The following CMSS1 variants were observed in gnomAD, a reference collection of about 807,000 sequenced individuals.
The protein encoded by CMSS1 is protein CMSS1.
In CMSS1, 33 loss-of-function variants were observed where a neutral mutation model predicts 43.5. The ratio of observed to expected loss-of-function variants is 0.76; its 90% CI spans 0.57 to 1.01. The LOEUF (loss-of-function observed/expected upper bound fraction) is 1.01. CMSS1 is among the 50% of genes least tolerant of loss of function. The probability of loss-of-function intolerance (pLI) is 0.00; values close to 1 mark genes in which losing one functional copy is unlikely to be tolerated. For missense variants in CMSS1, 313 were observed against 326.4 expected (o/e 0.96, Z 0.32); for synonymous variants, 115 against 117.2 (o/e 0.98, Z 0.12).
At chr3:99,850,737 G>A in intron 1 of CMSS1, 2 of 1,614,176 alleles carry the variant, frequency 1.2e-6, no homozygotes, top group Non-Finnish European at 8.5e-7. Context: ...CCTCATTGGT[G>A]AGCTTCGCCA....
intron 1 of CMSS1, chr3:99,929,966 G>A: frequency 6.2e-7 from 1 of 1,613,984 alleles, no homozygotes; most frequent in African/African-American, 1.3e-5. Flanking sequence ...AACCCATACT[G>A]AGCTTCCAGC....
chr3:100,117,905 C>A (rs2066590000), intron 1 of CMSS1, among the ~76,000 whole-genome samples: 1 of 137,908 alleles, frequency 7.3e-6, no homozygotes, highest in East Asian at 2.1e-4. Flanking sequence ...ATTACTCAGG[C>A]TTAAAGACGA....
At chr3:100,162,453 T>C (rs952411954) in intron 4 of CMSS1, 21 bp downstream of exon 4, 2 of 1,601,742 alleles carry the variant, frequency 1.2e-6, no homozygotes, top group Middle Eastern at 1.7e-4. Context: ...GCTTCAATTT[T>C]CCTAAAGACA....
chr3:99,972,480 C>T (rs767221003), intron 1 of CMSS1, among the ~76,000 whole-genome samples: 1 of 152,194 alleles, frequency 6.6e-6, no homozygotes, highest in Non-Finnish European at 1.5e-5. Context: ...TTATTTCTCT[C>T]CATTAGTTAT....
chr3:99,965,783 G>C (rs1412197288), intron 1 of CMSS1, among the ~76,000 whole-genome samples: 1 of 152,142 alleles, frequency 6.6e-6, no homozygotes, highest in African/African-American at 2.4e-5. Context: ...TTAGGGGGAG[G>C]GTGTTAAATG....
At chr3:99,956,624 G>T (rs948686312) in intron 1 of CMSS1, among the ~76,000 whole-genome samples, 1 of 152,216 alleles carries the variant, frequency 6.6e-6, no homozygotes, top group African/African-American at 2.4e-5. Context: ...TGGGATTAAA[G>T]GCGTGAGCCC....
intron 1 of CMSS1, among the ~76,000 whole-genome samples, chr3:99,847,767 T>C (rs1306036536): frequency 6.6e-6 from 1 of 152,196 alleles, no homozygotes; most frequent in Non-Finnish European, 1.5e-5. Context: ...GAACCACTTT[T>C]CTCTCCTCTA....
intron 1 of CMSS1, among the ~76,000 whole-genome samples, chr3:100,060,919 A>G (rs931567619): frequency 6.6e-6 from 1 of 152,182 alleles, no homozygotes; most frequent in African/African-American, 2.4e-5. Flanking sequence ...AGATCTATCA[A>G]TGGCCTGCAT....
chr3:100,165,933 A>G lies in CMSS1; in HGVS notation c.356-402A>G, dbSNP rs186612599. Among the ~76,000 whole-genome samples, 3 of 152,336 alleles carry G rather than the reference A, an allele frequency of 2.0e-5. No homozygotes were observed. In the East Asian group the frequency reaches 5.8e-4, roughly 29 times the overall value. On this transcript the variant is annotated intron_variant, in intron 4 of 9. Transcript: ENST00000421999. ...ACATATTGCTAATAGTTGCCATTCT[A>G]ATGAGTGTGTAAAGTATGCTCATTA...
At chr3:99,848,557 G>T in intron 1 of CMSS1, 1 of 1,614,184 alleles carries the variant, frequency 6.2e-7, no homozygotes, top group South Asian at 1.1e-5. Context: ...CTGCCATGAT[G>T]ACTGCCGGTC....
At chr3:99,968,165 G>A (rs1230528443) in intron 1 of CMSS1, among the ~76,000 whole-genome samples, 2 of 152,192 alleles carry the variant, frequency 1.3e-5, no homozygotes, top group East Asian at 1.9e-4. Context: ...TGGAGGATGA[G>A]ACTTCTCCTA....
chr3:99,890,681 C>A (rs895487974), intron 1 of CMSS1, among the ~76,000 whole-genome samples: 4 of 151,324 alleles, frequency 2.6e-5, no homozygotes, highest in African/African-American at 9.7e-5. Context: ...CTAGTTTGAC[C>A]ATTTTCTATA....
At chr3:100,164,394 TAGAG>T (rs1193825479) in intron 4 of CMSS1, among the ~76,000 whole-genome samples, 3 of 152,182 alleles carry the variant, frequency 2.0e-5, no homozygotes, top group Admixed American at 6.5e-5. Context: ...TCTCTGGAGT[TAGAG>T]AGAGTCAAAG....
At chr3:99,918,859 C>T (rs1177789083) in intron 1 of CMSS1, among the ~76,000 whole-genome samples, 4 of 152,042 alleles carry the variant, frequency 2.6e-5, no homozygotes, top group Non-Finnish European at 5.9e-5. Flanking sequence ...AACTAGATGC[C>T]CATGACAAAG....
In CMSS1 at chr3:99,958,179, C is replaced by T. The variant is rs888465346; in HGVS notation, c.64+140136C>T. On this transcript the variant is annotated intron_variant, in intron 1 of 9. Coordinates refer to ENST00000421999, the MANE Select transcript of CMSS1 (RefSeq NM_032359.4). Reference sequence around the variant, plus strand: ...TGGTTTGCTGCAGCTATCAACCCATCACCTAGGTATTAAGCCCTGCATGCA... The same window carrying T: ...TGGTTTGCTGCAGCTATCAACCCATTACCTAGGTATTAAGCCCTGCATGCA... 2.0e-5 allele frequency among the ~76,000 whole-genome samples: 3 copies of T among 148,700 alleles called. No homozygotes were observed. In the East Asian group the frequency reaches 5.8e-4, roughly 29 times the overall value.
At chr3:99,873,671 G>T (rs1705357175) in intron 1 of CMSS1, among the ~76,000 whole-genome samples, 1 of 151,970 alleles carries the variant, frequency 6.6e-6, no homozygotes, top group African/African-American at 2.4e-5. Context: ...CACTTTTTTG[G>T]AGGGGAAATT....
At chr3:99,915,186 C>T (rs529804045) in intron 1 of CMSS1, among the ~76,000 whole-genome samples, 2 of 152,248 alleles carry the variant, frequency 1.3e-5, no homozygotes, top group South Asian at 2.1e-4. Context: ...CTCCCATGAC[C>T]ATGCTAACCG....
chr3:100,101,626 T>A (rs185310232), intron 1 of CMSS1, among the ~76,000 whole-genome samples: 90 of 152,306 alleles, frequency 5.9e-4, no homozygotes, highest in African/African-American at 2.1e-3. Flanking sequence ...TTGTTTTTGT[T>A]TTTTTAATTA....
At chr3:99,867,052 T>C (rs954925922) in intron 1 of CMSS1, among the ~76,000 whole-genome samples, 2 of 152,226 alleles carry the variant, frequency 1.3e-5, no homozygotes, top group Non-Finnish European at 2.9e-5. Flanking sequence ...CTGATCATAC[T>C]TCCTTTCCTG....
Sources: allele counts gnomAD v4.1 joint callset (sites outside exome capture counted in the v4.1 genomes callset), GRCh38; gene constraint gnomAD v4.1.1; transcripts MANE v1.5; gene names NCBI Gene and HGNC (gene_info 2026-07-23, HGNC 2026-07-21).